RSPO3: variants seen among roughly 807,000 people sequenced by gnomAD.
RSPO3 encodes the protein R-spondin 3, also known as R-spondin-3.
A neutral mutation model predicts 36.5 loss-of-function variants in RSPO3; 17 were observed. That is an observed-to-expected ratio of 0.47 (90% CI 0.32 to 0.70). RSPO3 has a LOEUF of 0.70. Among genes scored for constraint, RSPO3 ranks in the 30% least tolerant of loss-of-function variants. RSPO3 has a pLI of 0.04. For missense variants in RSPO3, 294 were observed against 322.5 expected, an observed-to-expected ratio of 0.91 and a Z score of 0.68; for synonymous variants, 108 against 107.0, an observed-to-expected ratio of 1.01 and a Z score of -0.06.
rs73771628 is a variant in RSPO3, at chr6:127,192,213, T to C, written c.635-3610T>C. On this transcript the variant is annotated intron_variant, in intron 4 of 4. Transcript: ENST00000356698. ...TAGCATTAACATGTGACTATAATTA[T>C]TGGCAGTCTCCATATCTAACTTATA... Among the ~76,000 whole-genome samples the C allele has an allele frequency of 4.6e-3, 705 of 152,344 alleles. 5 individuals carry two copies. Among genetic ancestry groups the C allele is most frequent in the African/African-American group, 0.016 (655 of 41,578 alleles).
chr6:127,183,743 G>A (rs1286343499), intron 4 of RSPO3, among the ~76,000 whole-genome samples: 1 of 151,950 alleles, frequency 6.6e-6, no homozygotes, highest in Non-Finnish European at 1.5e-5. Context: ...GGCCTTACAT[G>A]TCTCCCCTTG....
intron 4 of RSPO3, among the ~76,000 whole-genome samples, chr6:127,177,914 G>C (rs1316121134): frequency 2.6e-5 from 4 of 151,572 alleles, no homozygotes; most frequent in African/African-American, 9.7e-5. Context: ...TTTACAAAAA[G>C]AGAATGGTGA....
chr6:127,182,265 G>A (rs373852673), intron 4 of RSPO3, among the ~76,000 whole-genome samples: 25 of 151,858 alleles, frequency 1.6e-4, no homozygotes, highest in South Asian at 1.2e-3. Flanking sequence ...AAACATTTGC[G>A]CTCAAATTTC....
chr6:127,197,580 T>G lies in RSPO3; in HGVS notation c.*1573T>G. 1 of 1,533,594 alleles carries G rather than the reference T, an allele frequency of 6.5e-7. No homozygotes were observed. Among genetic ancestry groups the G allele is most frequent in the Non-Finnish European group, 8.8e-7 (1 of 1,139,826 alleles). 95.0% of individuals were successfully genotyped at this position (1,533,594 alleles called of 1,614,324 possible). Reference sequence around the variant, plus strand: ...CATGGAAGGATGCACGGCTGCTCTGTCCACTGTGATTCCTAGCCCTCTCAA... The same window carrying G: ...CATGGAAGGATGCACGGCTGCTCTGGCCACTGTGATTCCTAGCCCTCTCAA... On this transcript the variant is annotated 3_prime_UTR_variant, in exon 5 of 5. Coordinates refer to ENST00000356698, the MANE Select transcript of RSPO3 (RefSeq NM_032784.5).
chr6:127,121,208 G>A (rs936752159), intron 1 of RSPO3, among the ~76,000 whole-genome samples: 5 of 152,204 alleles, frequency 3.3e-5, no homozygotes, highest in African/African-American at 4.8e-5. Flanking sequence ...CCCTGATTCT[G>A]AAGGAAGACA....
chr6:127,199,280 T>G lies in RSPO3; in HGVS notation c.*3273T>G, dbSNP rs1023923457. Among the ~76,000 whole-genome samples, 4 of 152,176 alleles carry G rather than the reference T, an allele frequency of 2.6e-5. No individual in the cohort carries two copies. The highest frequency in any genetic ancestry group is 6.5e-5 in the Admixed American group (1 of 15,280). On this transcript the variant is annotated 3_prime_UTR_variant, in exon 5 of 5. Coordinates refer to ENST00000356698, the MANE Select transcript of RSPO3 (RefSeq NM_032784.5). ...TTAAAAGGTTCTTCATTCAATATAA[T>G]AATAAATATTTTGTATATAAATGAA...
At chr6:127,151,134 T>C (rs2114585513) in intron 3 of RSPO3, among the ~76,000 whole-genome samples, 1 of 152,058 alleles carries the variant, frequency 6.6e-6, no homozygotes, top group East Asian at 1.9e-4. Flanking sequence ...TTAGTTAAAA[T>C]CTCACTCTTT....
intron 4 of RSPO3, among the ~76,000 whole-genome samples, chr6:127,182,871 G>A (rs1332677040): frequency 2.6e-5 from 4 of 151,980 alleles, no homozygotes; most frequent in Non-Finnish European, 5.9e-5. Flanking sequence ...CATATTTCAT[G>A]ACTTTAAAGG....
intron 4 of RSPO3, among the ~76,000 whole-genome samples, chr6:127,169,396 A>C (rs1774892683): frequency 6.6e-6 from 1 of 151,844 alleles, no homozygotes; most frequent in Non-Finnish European, 1.5e-5. Context: ...TAGGGTAAAT[A>C]TATTTGCATG....
At position 127,197,183 on chromosome 6, in the gene RSPO3, G is replaced by GT; in HGVS notation, c.*1182dup. On this transcript the variant is annotated 3_prime_UTR_variant, in exon 5 of 5. Coordinates refer to ENST00000356698, the MANE Select transcript of RSPO3 (RefSeq NM_032784.5). ...TATATTACATTTCTCAGTAATATTT[G>GT]TTTTTTGAATCCACCTTTATCTGAG... The GT allele has an allele frequency of 2.3e-6, 1 of 434,314 alleles. No individual in the cohort carries two copies. Among genetic ancestry groups the GT allele is most frequent in the South Asian group, 3.9e-5 (1 of 25,484 alleles). The allele number at this position is 434,314 out of a possible 1,614,324, so 26.9% of individuals were successfully genotyped here.
At chr6:127,189,269 G>A (rs1307496320) in intron 4 of RSPO3, among the ~76,000 whole-genome samples, 3 of 151,850 alleles carry the variant, frequency 2.0e-5, no homozygotes, top group Non-Finnish European at 2.9e-5. Context: ...GGAGAGTGAG[G>A]AAGGTTTCCC....
intron 4 of RSPO3, among the ~76,000 whole-genome samples, chr6:127,185,119 C>T (rs76536963): frequency 2.0e-5 from 3 of 151,912 alleles, no homozygotes; most frequent in Non-Finnish European, 4.4e-5. Context: ...AACCTCCAAA[C>T]AAATTTTAAA....
chr6:127,119,492 C>T (rs1471808680), intron 1 of RSPO3, among the ~76,000 whole-genome samples: 4 of 152,216 alleles, frequency 2.6e-5, no homozygotes, highest in Admixed American at 1.3e-4. Flanking sequence ...AGCATCCTAG[C>T]CGGTGCGAGG....
chr6:127,142,357 G>A (rs531304600), intron 1 of RSPO3, among the ~76,000 whole-genome samples: 1 of 152,156 alleles, frequency 6.6e-6, no homozygotes, highest in East Asian at 1.9e-4. Context: ...GGGTTGACTG[G>A]GCAGAATTTT....
At chr6:127,176,616 C>T (rs1322436122) in intron 4 of RSPO3, among the ~76,000 whole-genome samples, 2 of 151,080 alleles carry the variant, frequency 1.3e-5, no homozygotes, top group Non-Finnish European at 3.0e-5. Context: ...TCTAGGAAAA[C>T]AATATGACAC....
chr6:127,196,541 T>C lies in RSPO3; in HGVS notation c.*534T>C, dbSNP rs1287680051. ...TTTATCATCACAGAAACAACTGTTTTAAGATTAGTTCCATCACTCTCATCC... is the reference window on the plus strand; with the variant it reads ...TTTATCATCACAGAAACAACTGTTTCAAGATTAGTTCCATCACTCTCATCC... On this transcript the variant is annotated 3_prime_UTR_variant, in exon 5 of 5. Coordinates refer to ENST00000356698, the MANE Select transcript of RSPO3 (RefSeq NM_032784.5). 6.6e-6 allele frequency: 1 copy of C among 152,238 alleles called. No individual in the cohort carries two copies. Among genetic ancestry groups the C allele is most frequent in the Admixed American group, 6.5e-5 (1 of 15,290 alleles). The allele number at this position is 152,238 out of a possible 1,614,324, so 9.4% of individuals were successfully genotyped here.
In RSPO3 at chr6:127,119,128, A is replaced by G; in HGVS notation, c.-65A>G. ...GCCTAACACCTACATATATTTTAAA[A>G]ACATTAAATATAATTAACAATCAAA... On this transcript the variant is annotated 5_prime_UTR_variant, in exon 1 of 5. Transcript: ENST00000356698. The G allele has an allele frequency of 7.8e-7, 1 of 1,282,360 alleles. No homozygotes were observed. 79.4% of individuals were successfully genotyped at this position (1,282,360 alleles called of 1,614,324 possible). A position where few individuals can be genotyped will look rare whatever the true frequency, so the allele number is the denominator to read the frequency against.
At chr6:127,156,286 C>T (rs1774597032) in intron 4 of RSPO3, among the ~76,000 whole-genome samples, 1 of 152,074 alleles carries the variant, frequency 6.6e-6, no homozygotes, top group African/African-American at 2.4e-5. Context: ...TCAATATTAA[C>T]TATTAGAATT....
At chr6:127,157,230 A>AT (rs1471862841) in intron 4 of RSPO3, among the ~76,000 whole-genome samples, 2 of 152,124 alleles carry the variant, frequency 1.3e-5, no homozygotes, top group Admixed American at 6.5e-5. Flanking sequence ...TTTCCTTAAA[A>AT]TTTAATGACT....
Sources: allele counts gnomAD v4.1 joint callset (sites outside exome capture counted in the v4.1 genomes callset), GRCh38; gene constraint gnomAD v4.1.1; transcripts MANE v1.5; gene names NCBI Gene and HGNC (gene_info 2026-07-23, HGNC 2026-07-21).